The following GSR variants were observed in gnomAD, a reference collection of about 807,000 sequenced individuals.
GSR encodes glutathione reductase, mitochondrial.
Under a neutral mutation model 56.5 loss-of-function variants are expected in GSR, and 48 were observed. The ratio of observed to expected loss-of-function variants is 0.85; its 90% CI spans 0.67 to 1.08. GSR has a LOEUF of 1.08. Ranked by LOEUF, GSR falls within the 50% of genes least tolerant of loss-of-function variation. The probability of loss-of-function intolerance (pLI) is 0.00; values close to 1 mark genes in which losing one functional copy is unlikely to be tolerated. For missense variants in GSR, 694 were observed against 703.3 expected (o/e 0.99, Z 0.15); for synonymous variants, 264 against 270.8 (o/e 0.97, Z 0.25).
At chr8:30,706,409 A>C (rs1803921559) in intron 4 of GSR, among the ~76,000 whole-genome samples, 1 of 152,128 alleles carries the variant, frequency 6.6e-6, no homozygotes, top group Non-Finnish European at 1.5e-5. Flanking sequence ...AGGCTGAGGC[A>C]CAAGAATTGC....
Position 30,684,077 on chromosome 8 carries a change from A to C in GSR, c.1153+11T>G. ...CAGACCCTCCCTCACCAAGAAGGGA[A>C]GAGACCTTACCTGGAGTAAGAAGAG... On this transcript the variant is annotated intron_variant, in intron 10 of 12. Transcript: ENST00000221130. The C allele has an allele frequency of 5.9e-6, 8 of 1,347,200 alleles. No homozygotes were observed. The highest frequency in any genetic ancestry group is 8.5e-6 in the Non-Finnish European group (8 of 936,246). 83.5% of individuals were successfully genotyped at this position (1,347,200 alleles called of 1,614,324 possible). A position where few individuals can be genotyped will look rare whatever the true frequency, so the allele number is the denominator to read the frequency against.
intron 9 of GSR, among the ~76,000 whole-genome samples, chr8:30,688,642 T>C (rs1032997078): frequency 1.7e-4 from 26 of 150,100 alleles, no homozygotes; most frequent in African/African-American, 5.9e-4. Flanking sequence ...GGCGGCCTTT[T>C]TCTGGGACAT....
intron 1 of GSR, among the ~76,000 whole-genome samples, chr8:30,714,356 G>A (rs1256803346): frequency 1.3e-5 from 2 of 151,680 alleles, no homozygotes; most frequent in South Asian, 2.1e-4. Context: ...GACCACAGGC[G>A]TTCACCGCCA....
At chr8:30,702,367 GT>G (rs1803774003) in intron 5 of GSR, among the ~76,000 whole-genome samples, 1 of 151,870 alleles carries the variant, frequency 6.6e-6, no homozygotes, top group African/African-American at 2.4e-5. Context: ...TGCAAAAGAA[GT>G]TATGACCATC....
chr8:30,716,946 T>C (rs1480409893), intron 1 of GSR, among the ~76,000 whole-genome samples: 1 of 151,362 alleles, frequency 6.6e-6, no homozygotes, highest in Non-Finnish European at 1.5e-5. Flanking sequence ...TCTTACAAAT[T>C]AGAGACGGAG....
intron 6 of GSR, among the ~76,000 whole-genome samples, chr8:30,698,420 C>G (rs1803620316): frequency 6.6e-6 from 1 of 152,166 alleles, no homozygotes; most frequent in Non-Finnish European, 1.5e-5. Context: ...TATGTCATGT[C>G]ACTCAACCCT....
intron 1 of GSR, among the ~76,000 whole-genome samples, chr8:30,717,505 C>T (rs1460278703): frequency 6.6e-6 from 1 of 152,080 alleles, no homozygotes; most frequent in Non-Finnish European, 1.5e-5. Context: ...TTTATAGCTG[C>T]TCCCCGTCGC....
At chr8:30,695,209 T>C (rs886583198) in intron 7 of GSR, among the ~76,000 whole-genome samples, 1 of 152,066 alleles carries the variant, frequency 6.6e-6, no homozygotes, top group African/African-American at 2.4e-5. Context: ...TAAAATGCTA[T>C]GAGATTTTTT....
In GSR at chr8:30,680,953, CTT is replaced by C. The variant is rs767928534; in HGVS notation, c.1368_1369del (p.Arg457GlufsTer12). The C allele has an allele frequency of 1.8e-5, 29 of 1,613,046 alleles. No homozygotes were observed. Among genetic ancestry groups the C allele is most frequent in the Non-Finnish European group, 2.5e-5 (29 of 1,179,318 alleles). ...CATTTTCATCACACATTTTGTTTTC[CTT>C]TTGGTAACTGCGTGATACATCGGGG... On this transcript the variant is annotated frameshift_variant, in exon 12 of 13. Transcript: ENST00000221130. LOFTEE classifies it high-confidence loss of function.
chr8:30,727,649 C>T lies in GSR; in HGVS notation c.187G>A (p.Ala63Thr). The T allele has an allele frequency of 6.8e-7, 1 of 1,468,592 alleles. No individual in the cohort carries two copies. Among genetic ancestry groups the T allele is most frequent in the Admixed American group, 2.5e-5 (1 of 39,458 alleles). The allele number at this position is 1,468,592 out of a possible 1,614,324, so 91.0% of individuals were successfully genotyped here. The change falls in exon 1 of 13, where the codon GCC becomes ACC. Residue 63 changes from alanine to threonine, a missense_variant. Physicochemically the swap from Ala to Thr is moderately conservative, Grantham distance 58. Transcript: ENST00000221130. ...QGPPPAAGAV[A>T]SYDYLVIGGG... ...CCGATCACCAGGTAGTCATAGGAGG[C>T]CACGGCGCCAGCAGCGGGCGGCGGG...
chr8:30,694,484 A>AT (rs1216015151), intron 7 of GSR, among the ~76,000 whole-genome samples: 1 of 152,000 alleles, frequency 6.6e-6, no homozygotes, highest in Non-Finnish European at 1.5e-5. Context: ...TAATTTTTTA[A>AT]TTTTTTGTAG....
intron 1 of GSR, among the ~76,000 whole-genome samples, chr8:30,718,126 A>ATAAATAAG (rs1804401103): frequency 6.6e-6 from 1 of 151,524 alleles, no homozygotes; most frequent in African/African-American, 2.4e-5. Context: ...AAATAAATAA[A>ATAAATAAG]TAAATAAATA....
chr8:30,698,403 C>T (rs1803619454), intron 6 of GSR, among the ~76,000 whole-genome samples: 1 of 152,152 alleles, frequency 6.6e-6, no homozygotes, highest in Non-Finnish European at 1.5e-5. Flanking sequence ...CTCACTACAT[C>T]CTCACATATG....
intron 1 of GSR, among the ~76,000 whole-genome samples, chr8:30,714,831 C>G (rs1267766180): frequency 1.3e-5 from 2 of 152,150 alleles, no homozygotes; most frequent in Non-Finnish European, 2.9e-5. Context: ...CCACGCTTGG[C>G]CTGTATATGC....
chr8:30,691,089 G>T (rs989760232), intron 8 of GSR, among the ~76,000 whole-genome samples: 1 of 151,566 alleles, frequency 6.6e-6, no homozygotes, highest in Non-Finnish European at 1.5e-5. Flanking sequence ...TAGAGGCCAG[G>T]CATGGTGGCT....
chr8:30,679,308 G>T lies in GSR; in HGVS notation c.*212C>A. On this transcript the variant is annotated 3_prime_UTR_variant, in exon 13 of 13. Transcript: ENST00000221130. ...AAAACTTGAAAATATTAATTACTGTGAGATGTGATCAAATGAAAATCAATC... is the reference window on the plus strand; with the variant it reads ...AAAACTTGAAAATATTAATTACTGTTAGATGTGATCAAATGAAAATCAATC... The T allele has an allele frequency of 1.7e-6, 1 of 586,412 alleles. No homozygotes were observed. The allele number at this position is 586,412 out of a possible 1,614,324, so 36.3% of individuals were successfully genotyped here. A position where few individuals can be genotyped will look rare whatever the true frequency, so the allele number is the denominator to read the frequency against.
At chr8:30,691,599 T>C (rs1447759742) in intron 8 of GSR, among the ~76,000 whole-genome samples, 2 of 150,922 alleles carry the variant, frequency 1.3e-5, no homozygotes, top group Non-Finnish European at 2.9e-5. Flanking sequence ...GAGAATCCCT[T>C]GAATCTAGGA....
At chr8:30,702,907 C>T (rs1803790570) in intron 5 of GSR, among the ~76,000 whole-genome samples, 186 bp downstream of exon 5, 1 of 152,244 alleles carries the variant, frequency 6.6e-6, no homozygotes. Context: ...CACTGCACTC[C>T]AGCCTGGGCG....
At chr8:30,698,211 C>T (rs1277979136) in intron 6 of GSR, among the ~76,000 whole-genome samples, 3 of 152,164 alleles carry the variant, frequency 2.0e-5, no homozygotes, top group African/African-American at 7.2e-5. Context: ...ATAAAGTAGA[C>T]TTGAAGAATC....
Sources: allele counts gnomAD v4.1 joint callset (sites outside exome capture counted in the v4.1 genomes callset), GRCh38; gene constraint gnomAD v4.1.1; transcripts MANE v1.5; gene names NCBI Gene and HGNC (gene_info 2026-07-23, HGNC 2026-07-21).